Variants in SDK1 observed in about 807,000 individuals in gnomAD.
SDK1 encodes the protein protein sidekick-1.
In SDK1, 157 loss-of-function variants were observed where a neutral mutation model predicts 245.5. The ratio of observed to expected loss-of-function variants is 0.64; its 90% CI spans 0.56 to 0.73. The LOEUF (loss-of-function observed/expected upper bound fraction) is 0.73, where lower values mean the gene tolerates loss of function less well. Ranked by LOEUF, SDK1 falls within the 30% of genes least tolerant of loss-of-function variation. SDK1 has a pLI of 0.00. For synonymous variants in SDK1, 1,647 were observed against 1,278.5 expected, an observed-to-expected ratio of 1.29 and a Z score of -6.15; for missense variants, 3,583 against 3,002.3, an observed-to-expected ratio of 1.19 and a Z score of -4.52.
At chr7:4,139,619 G>A (rs1349456251) in intron 28 of SDK1, among the ~76,000 whole-genome samples, 2 of 69,186 alleles carry the variant, frequency 2.9e-5, no homozygotes, top group East Asian at 8.3e-4. Flanking sequence ...GTGTATATGT[G>A]TGTGTGTATA....
At chr7:4,138,805 A>G (rs12701429) in intron 28 of SDK1, among the ~76,000 whole-genome samples, 81,328 of 151,142 alleles carry the variant, frequency 0.54, 22,707 homozygotes, top group East Asian at 0.85. Context: ...AAAAGAAAAG[A>G]AAAGAAAATT....
chr7:3,640,900 T>C (rs916175024), intron 3 of SDK1, among the ~76,000 whole-genome samples: 3 of 152,120 alleles, frequency 2.0e-5, no homozygotes, highest in Non-Finnish European at 2.9e-5. Flanking sequence ...GCCAGGCTGG[T>C]GTCAAATTCC....
At chr7:4,100,075 G>A (rs761307832) in intron 22 of SDK1, among the ~76,000 whole-genome samples, 4 of 152,332 alleles carry the variant, frequency 2.6e-5, no homozygotes, top group South Asian at 4.1e-4. Context: ...CTCTCCTCAC[G>A]CCCCTTCCTG....
chr7:3,983,566 G>C (rs781209186), intron 13 of SDK1, among the ~76,000 whole-genome samples: 1 of 152,186 alleles, frequency 6.6e-6, no homozygotes, highest in East Asian at 1.9e-4. Context: ...AGTATAAACA[G>C]AACTTTTATA....
chr7:3,876,413 A>G lies in SDK1; in HGVS notation c.847+54830A>G, dbSNP rs115948956. 5.0e-3 allele frequency among the ~76,000 whole-genome samples: 764 copies of G among 152,248 alleles called. 7 individuals are homozygous for G. Among genetic ancestry groups the G allele is most frequent in the African/African-American group, 0.018 (732 of 41,528 alleles). On this transcript the variant is annotated intron_variant, in intron 5 of 44. Coordinates refer to ENST00000404826, the MANE Select transcript of SDK1 (RefSeq NM_152744.4). The stretch of plus-strand genomic sequence containing the variant: ...GGATGTGGAAAGAATCATCACATCA[A>G]CTTCTTGGGACCTCAATATAAACTA...
intron 35 of SDK1, among the ~76,000 whole-genome samples, chr7:4,182,734 T>C (rs1782669529): frequency 6.6e-6 from 1 of 152,210 alleles, no homozygotes; most frequent in Admixed American, 6.5e-5. Context: ...GGCTCCTTCC[T>C]GAGGCTCCTG....
intron 5 of SDK1, among the ~76,000 whole-genome samples, chr7:3,821,978 G>T (rs906082517): frequency 7.2e-5 from 11 of 152,144 alleles, no homozygotes; most frequent in Middle Eastern, 3.2e-3. Context: ...AAATCTTTGA[G>T]AAATTCTACC....
chr7:3,658,341 A>G (rs1368775680), intron 4 of SDK1, among the ~76,000 whole-genome samples: 1 of 152,056 alleles, frequency 6.6e-6, no homozygotes, highest in Admixed American at 6.6e-5. Flanking sequence ...GTCATCCTTC[A>G]TTTATTCTTT....
rs1219559603 is a variant in SDK1 at position 3,350,006 on chromosome 7, GT to G, written c.298+48125del. ...GATGAAGTAGCAGGTAGAGGATGAA[GT>G]TTGGGGACTTTGTGCCTCTCACATT... On this transcript the variant is annotated intron_variant, in intron 1 of 44. Transcript: ENST00000404826. Among the ~76,000 whole-genome samples, 10 of 152,336 alleles carry G rather than the reference GT, an allele frequency of 6.6e-5. No homozygotes were observed. The East Asian group carries it at 1.9e-3, about 29-fold the overall frequency.
intron 1 of SDK1, among the ~76,000 whole-genome samples, chr7:3,389,357 TTAAC>T (rs1234841425): frequency 6.6e-6 from 1 of 152,032 alleles, no homozygotes; most frequent in Non-Finnish European, 1.5e-5. Context: ...AACAGGATAT[TTAAC>T]TAAAGAGAAG....
At chr7:4,056,353 G>A (rs1779194817) in intron 19 of SDK1, among the ~76,000 whole-genome samples, 2 of 152,130 alleles carry the variant, frequency 1.3e-5, no homozygotes, top group African/African-American at 4.8e-5. Context: ...GGCTTCAGGG[G>A]CCAGCTGACC....
chr7:4,011,105 G>A lies in SDK1; in HGVS notation c.2271G>A (p.Glu757=). ...TGGGCAGGGGCCAGTACAGCGCCGA[G>A]ACAAGCAGGTGCGTGAATCCCGCCC... ...NEVGRGQYSA[E]TSRLMLPEEP... The change falls in exon 15 of 45, where the codon GAG becomes GAA. Residue 757 remains glutamate, a synonymous_variant. Coordinates refer to ENST00000404826, the MANE Select transcript of SDK1 (RefSeq NM_152744.4). The A allele has an allele frequency of 1.7e-5, 28 of 1,613,762 alleles. No individual in the cohort carries two copies. Among genetic ancestry groups the A allele is most frequent in the Non-Finnish European group, 2.4e-5 (28 of 1,179,986 alleles).
chr7:3,914,277 T>C (rs1203554401), intron 5 of SDK1, among the ~76,000 whole-genome samples: 1 of 152,242 alleles, frequency 6.6e-6, no homozygotes, highest in Non-Finnish European at 1.5e-5. Flanking sequence ...TACGTTATTG[T>C]GTCTTACTGG....
chr7:4,158,360 G>A, intron 30 of SDK1, 88 bp from the exon 31 acceptor site: 1 of 1,040,822 alleles, frequency 9.6e-7, no homozygotes, highest in Admixed American at 1.9e-5. Context: ...GGAGGGATTT[G>A]CCCCTCTTCC....
chr7:3,609,789 C>G (rs1420991756), intron 1 of SDK1, among the ~76,000 whole-genome samples: 1 of 150,728 alleles, frequency 6.6e-6, no homozygotes, highest in African/African-American at 2.4e-5. Flanking sequence ...CAACCTTTGC[C>G]TCCTGGGTTC....
At chr7:3,899,814 G>A (rs1484012610) in intron 5 of SDK1, among the ~76,000 whole-genome samples, 1 of 152,220 alleles carries the variant, frequency 6.6e-6, no homozygotes, top group African/African-American at 2.4e-5. Context: ...TCTATAGGGG[G>A]CGTTACCAGG....
intron 4 of SDK1, among the ~76,000 whole-genome samples, chr7:3,663,658 A>G (rs1783435679): frequency 6.6e-6 from 1 of 152,162 alleles, no homozygotes; most frequent in East Asian, 1.9e-4. Context: ...TAGCACTGAG[A>G]GTCCCCTCAG....
intron 26 of SDK1, among the ~76,000 whole-genome samples, chr7:4,128,186 C>A (rs1243562332): frequency 6.6e-6 from 1 of 152,198 alleles, no homozygotes; most frequent in Non-Finnish European, 1.5e-5. Context: ...TCGGACCCGG[C>A]CAGCGAGGCC....
chr7:3,998,285 C>G (rs1202858503), intron 14 of SDK1, among the ~76,000 whole-genome samples: 1 of 152,234 alleles, frequency 6.6e-6, no homozygotes, highest in Admixed American at 6.5e-5. Flanking sequence ...CAGCACCTCC[C>G]TGCAACAGCT....
Sources: gnomAD v4.1 joint callset for allele counts (sites outside exome capture counted in the v4.1 genomes callset) on GRCh38, gnomAD v4.1.1 for gene constraint, MANE v1.5 for transcripts, NCBI Gene and HGNC (gene_info 2026-07-23, HGNC 2026-07-21) for gene names.